The following POLR3B variants were observed in gnomAD, a reference collection of about 807,000 sequenced individuals.
POLR3B encodes the protein DNA-directed RNA polymerase III subunit RPC2.
Under a neutral mutation model 147.4 loss-of-function variants are expected in POLR3B, and 96 were observed. The observed-to-expected ratio is 0.65, with a 90% CI of 0.55 to 0.77. The LOEUF is 0.77. Ranked by LOEUF, POLR3B falls within the 30% of genes least tolerant of loss-of-function variation. POLR3B has a pLI of 0.00. For synonymous variants in POLR3B, 461 were observed against 485.9 expected, an observed-to-expected ratio of 0.95 and a Z score of 0.67; for missense variants, 1,036 against 1,413.5, an observed-to-expected ratio of 0.73 and a Z score of 4.28.
intron 10 of POLR3B, among the ~76,000 whole-genome samples, chr12:106,404,468 T>G (rs1210140298): frequency 1.3e-5 from 2 of 152,218 alleles, no homozygotes; most frequent in African/African-American, 4.8e-5. Flanking sequence ...GCCACTCTAA[T>G]GGGTGTATAG....
At chr12:106,388,535 C>T (rs1372697735) in intron 9 of POLR3B, among the ~76,000 whole-genome samples, 1 of 152,152 alleles carries the variant, frequency 6.6e-6, no homozygotes, top group Admixed American at 6.5e-5. Context: ...CCAGGATGGT[C>T]TTGATCTCCT....
chr12:106,457,431 A>C (rs2037879251), intron 21 of POLR3B, 135 bp downstream of exon 21: 1 of 695,110 alleles, frequency 1.4e-6, no homozygotes, highest in Non-Finnish European at 2.5e-6. Flanking sequence ...TCAACCAATG[A>C]GGTCATTTTT....
At chr12:106,440,672 T>C (rs1217935621) in intron 18 of POLR3B, among the ~76,000 whole-genome samples, 1 of 152,090 alleles carries the variant, frequency 6.6e-6, no homozygotes, top group Non-Finnish European at 1.5e-5. Flanking sequence ...GAGATTTTTC[T>C]GACCACTCTA....
chr12:106,378,422 G>T (rs1348214312), intron 8 of POLR3B, 38 bp downstream of exon 8: 4 of 1,263,792 alleles, frequency 3.2e-6, no homozygotes, highest in East Asian at 4.6e-5. Flanking sequence ...AGCAATATTG[G>T]TCATTCCATT....
chr12:106,390,188 A>C (rs2036894751), intron 9 of POLR3B, among the ~76,000 whole-genome samples: 1 of 150,632 alleles, frequency 6.6e-6, no homozygotes, highest in South Asian at 2.1e-4. Flanking sequence ...ACTGTACTCC[A>C]GCCTGGGCAA....
At chr12:106,441,613 A>G (rs2037652280) in intron 18 of POLR3B, among the ~76,000 whole-genome samples, 1 of 152,146 alleles carries the variant, frequency 6.6e-6, no homozygotes, top group Admixed American at 6.6e-5. Flanking sequence ...CTGTATACAT[A>G]TATATATTTT....
At chr12:106,480,892 G>A (rs571860014) in intron 23 of POLR3B, among the ~76,000 whole-genome samples, 1 of 152,054 alleles carries the variant, frequency 6.6e-6, no homozygotes, top group Non-Finnish European at 1.5e-5. Context: ...AAGCTGGGAG[G>A]GGGGATGGGA....
intron 12 of POLR3B, among the ~76,000 whole-genome samples, chr12:106,412,861 C>T (rs1323847140): frequency 6.6e-6 from 1 of 152,106 alleles, no homozygotes; most frequent in Non-Finnish European, 1.5e-5. Flanking sequence ...CTTTTTACTA[C>T]TTTGATTTGC....
intron 26 of POLR3B, among the ~76,000 whole-genome samples, chr12:106,501,922 G>A (rs1279213475): frequency 6.6e-6 from 1 of 152,170 alleles, no homozygotes; most frequent in Admixed American, 6.5e-5. Context: ...AGGAGGTTAG[G>A]GGCCACATGT....
At chr12:106,358,900 G>A (rs1044586032) in intron 1 of POLR3B, among the ~76,000 whole-genome samples, 1 of 152,218 alleles carries the variant, frequency 6.6e-6, no homozygotes, top group Non-Finnish European at 1.5e-5. Flanking sequence ...AAGCAGGAAA[G>A]TGACATGATC....
rs1391887945 is a variant in POLR3B at position 106,405,970 on chromosome 12, T to C, written c.960T>C (p.His320=). The change falls in exon 11 of 28, where the codon CAT becomes CAC. Residue 320 remains histidine, a synonymous_variant. Transcript: ENST00000228347. ...RELLASTILT[H]VPVKEFNFRA... ...TCCTGGCTTCCACCATTCTGACCCA[T>C]GTCCCAGTGAGTAACACTTCGTTAT... The C allele has an allele frequency of 3.1e-6, 5 of 1,613,856 alleles. No homozygotes were observed. Among genetic ancestry groups the C allele is most frequent in the East Asian group, 2.2e-5 (1 of 44,860 alleles).
At chr12:106,428,513 G>A (rs945133306) in intron 13 of POLR3B, among the ~76,000 whole-genome samples, 9 of 151,970 alleles carry the variant, frequency 5.9e-5, no homozygotes, top group African/African-American at 1.9e-4. Flanking sequence ...TCTGTTTCTC[G>A]TCTCTCCCTT....
At chr12:106,385,640 C>A (rs1324968399) in intron 9 of POLR3B, among the ~76,000 whole-genome samples, 1 of 152,172 alleles carries the variant, frequency 6.6e-6, no homozygotes, top group African/African-American at 2.4e-5. Flanking sequence ...AGGAAAGTAG[C>A]CCTCAAATCA....
At chr12:106,411,129 T>C (rs1000939232) in intron 12 of POLR3B, among the ~76,000 whole-genome samples, 169 bp downstream of exon 12, 1 of 152,144 alleles carries the variant, frequency 6.6e-6, no homozygotes, top group Non-Finnish European at 1.5e-5. Flanking sequence ...TATAAAAACA[T>C]TAATTCTTTT....
intron 10 of POLR3B, 61 bp from the exon 11 acceptor site, chr12:106,405,796 G>T: frequency 6.5e-7 from 1 of 1,549,732 alleles, no homozygotes. Flanking sequence ...ATGTGGTTAG[G>T]TGCTTGCTAA....
intron 9 of POLR3B, among the ~76,000 whole-genome samples, chr12:106,384,696 C>A (rs974467768): frequency 6.6e-6 from 1 of 152,132 alleles, no homozygotes; most frequent in African/African-American, 2.4e-5. Flanking sequence ...TCGAGGTGTT[C>A]CAAAGGGCAA....
chr12:106,400,366 C>T (rs2037044937), intron 10 of POLR3B, among the ~76,000 whole-genome samples: 1 of 152,178 alleles, frequency 6.6e-6, no homozygotes, highest in Non-Finnish European at 1.5e-5. Context: ...GAGACTTAGA[C>T]TCCCACACAA....
At chr12:106,424,306 A>G (rs1376147571) in intron 12 of POLR3B, among the ~76,000 whole-genome samples, 1 of 152,104 alleles carries the variant, frequency 6.6e-6, no homozygotes, top group African/African-American at 2.4e-5. Flanking sequence ...AGTATATCCT[A>G]TCCTGTATGT....
chr12:106,403,961 T>A (rs1160909325), intron 10 of POLR3B, among the ~76,000 whole-genome samples: 3 of 151,894 alleles, frequency 2.0e-5, no homozygotes, highest in Non-Finnish European at 4.4e-5. Context: ...TAAAGTGTAA[T>A]AATAATAAAA....
Sources: gnomAD v4.1 joint callset for allele counts (sites outside exome capture counted in the v4.1 genomes callset) on GRCh38, gnomAD v4.1.1 for gene constraint, MANE v1.5 for transcripts, NCBI Gene and HGNC (gene_info 2026-07-23, HGNC 2026-07-21) for gene names.